ANAPC1: variants seen among roughly 807,000 people sequenced by gnomAD.
ANAPC1 encodes the protein anaphase promoting complex subunit 1.
ANAPC1 carries 36 observed loss-of-function variants against 208.0 expected under a neutral mutation model. That is an observed-to-expected ratio of 0.17 (90% CI 0.13 to 0.23). The LOEUF (loss-of-function observed/expected upper bound fraction) is 0.23, where lower values mean the gene tolerates loss of function less well. ANAPC1 is among the 10% of genes least tolerant of loss of function. The probability of loss-of-function intolerance (pLI) is 1.00; values close to 1 mark genes in which losing one functional copy is unlikely to be tolerated. For missense variants in ANAPC1, 942 were observed against 2,011.6 expected, an observed-to-expected ratio of 0.47 and a Z score of 10.17; for synonymous variants, 378 against 695.2, an observed-to-expected ratio of 0.54 and a Z score of 7.18.
chr2:111,838,948 A>G (rs1680619150), intron 17 of ANAPC1, among the ~76,000 whole-genome samples: 1 of 152,248 alleles, frequency 6.6e-6, no homozygotes, highest in Non-Finnish European at 1.5e-5. Context: ...TAACAATTCT[A>G]TGGCAGAGAC....
intron 26 of ANAPC1, chr2:111,819,228 ACT>A (rs1175468661): frequency 2.0e-6 from 2 of 983,858 alleles, no homozygotes; most frequent in African/African-American, 3.5e-5. Flanking sequence ...AACCCAGCCG[ACT>A]CTCTCTAGGC....
rs368791814 is a variant in ANAPC1 at position 111,864,884 on chromosome 2, A to G, written c.753T>C (p.Thr251=). 18 of 1,611,790 alleles carry G rather than the reference A, an allele frequency of 1.1e-5. No homozygotes were observed. The highest frequency in any genetic ancestry group is 1.1e-4 in the East Asian group (5 of 44,870). ...CATAAGTCATTACAATAGAGGGGTCAGTATTGAGGAAAACAATTTTCATTG... is the reference window on the plus strand; with the variant it reads ...CATAAGTCATTACAATAGAGGGGTCGGTATTGAGGAAAACAATTTTCATTG... ...DHAMKIVFLN[T]DPSIVMTYDA... is the part of the protein sequence containing the mutation. The change falls in exon 8 of 48, where the codon ACT becomes ACC. Residue 251 remains threonine (T), a synonymous_variant. Coordinates refer to ENST00000341068, the MANE Select transcript of ANAPC1 (RefSeq NM_022662.4).
chr2:111,831,303 T>G lies in ANAPC1; in HGVS notation c.2608A>C (p.Ser870Arg). The G allele has an allele frequency of 1.2e-6, 2 of 1,611,134 alleles. No individual in the cohort carries two copies. The highest frequency in any genetic ancestry group is 1.7e-6 in the Non-Finnish European group (2 of 1,179,572). The change falls in exon 21 of 48, where the codon AGC becomes CGC. Residue 870 changes from serine to arginine, a missense_variant. By Grantham distance (110) the Ser-to-Arg change is moderately radical. Transcript: ENST00000341068. ...ATACATACCAAGACTACAAGTCTGC[T>G]TCTTTCACAGATTCCAGGGAGGTAA... is the stretch of plus-strand genomic sequence containing the variant. ...YPYLPGICER[S>R]RLVVLSIALY...
chr2:111,824,660 G>T (rs1423173956), intron 24 of ANAPC1, among the ~76,000 whole-genome samples: 1 of 152,126 alleles, frequency 6.6e-6, no homozygotes. Flanking sequence ...ATGATTTCAG[G>T]TGTGTATGTA....
At chr2:111,797,608 T>C (rs1330255710) in intron 34 of ANAPC1, among the ~76,000 whole-genome samples, 1 of 152,024 alleles carries the variant, frequency 6.6e-6, no homozygotes, top group Non-Finnish European at 1.5e-5. Flanking sequence ...AATAGATGAA[T>C]AAATTCCTAT....
chr2:111,879,161 A>G (rs1366285272), intron 2 of ANAPC1, among the ~76,000 whole-genome samples, 190 bp from the exon 3 acceptor site: 3 of 152,226 alleles, frequency 2.0e-5, no homozygotes, highest in Non-Finnish European at 2.9e-5. Context: ...AATTTACTCA[A>G]TAATTCTCTA....
At chr2:111,787,529 C>A (rs1368321057) in intron 39 of ANAPC1, among the ~76,000 whole-genome samples, 1 of 152,144 alleles carries the variant, frequency 6.6e-6, no homozygotes, top group Non-Finnish European at 1.5e-5. Context: ...TGACCTGTCT[C>A]TGGGGAGACA....
intron 19 of ANAPC1, among the ~76,000 whole-genome samples, chr2:111,833,627 G>T (rs1293304917): frequency 7.3e-6 from 1 of 136,194 alleles, no homozygotes; most frequent in Non-Finnish European, 1.5e-5. Flanking sequence ...AGAAAATGGG[G>T]CAATACCAGC....
chr2:111,824,058 T>G (rs1379447647), intron 24 of ANAPC1, among the ~76,000 whole-genome samples: 3 of 151,032 alleles, frequency 2.0e-5, no homozygotes, highest in Non-Finnish European at 4.4e-5. Context: ...CATAATACTA[T>G]GCATTATTTA....
chr2:111,852,965 G>A (rs553487469), intron 13 of ANAPC1, among the ~76,000 whole-genome samples: 6 of 151,360 alleles, frequency 4.0e-5, no homozygotes, highest in South Asian at 2.1e-4. Flanking sequence ...TCCAGCCTGA[G>A]TAACAGAGAG....
intron 7 of ANAPC1, 128 bp from the exon 8 acceptor site, chr2:111,865,079 C>G: frequency 2.8e-6 from 2 of 719,142 alleles, no homozygotes; most frequent in Non-Finnish European, 4.3e-6. Flanking sequence ...AAATTTATTA[C>G]TATCTTAAAT....
rs201476913 is a variant in ANAPC1 at position 111,831,320 on chromosome 2, G to C, written c.2591C>G (p.Pro864Arg). Reference protein sequence around the residue: ...GEGMPPYPYLPGICERSRLVV... With the variant: ...GEGMPPYPYLRGICERSRLVV... ...AAGTCTGCTTCTTTCACAGATTCCA[G>C]GGAGGTAAGGATAAGGTGGCATTCC... Residue 864 changes from proline (P) to arginine (R), a missense_variant, in exon 21 of 48, where the codon CCT becomes CGT. Coordinates refer to ENST00000341068, the MANE Select transcript of ANAPC1 (RefSeq NM_022662.4). 12 of 1,611,712 alleles carry C rather than the reference G, an allele frequency of 7.4e-6. No individual in the cohort carries two copies. Among genetic ancestry groups the C allele is most frequent in the Non-Finnish European group, 1.0e-5 (12 of 1,179,794 alleles).
At chr2:111,812,846 A>G (rs1292151619) in intron 28 of ANAPC1, among the ~76,000 whole-genome samples, 1 of 91,588 alleles carries the variant, frequency 1.1e-5, no homozygotes, top group African/African-American at 4.5e-5. Flanking sequence ...ATACAGGCAT[A>G]TAAACCTCTC....
chr2:111,879,296 G>A (rs1421776345), intron 2 of ANAPC1, among the ~76,000 whole-genome samples: 1 of 152,210 alleles, frequency 6.6e-6, no homozygotes, highest in East Asian at 1.9e-4. Context: ...GACATATTAA[G>A]TATATGAGGT....
intron 16 of ANAPC1, among the ~76,000 whole-genome samples, chr2:111,844,306 C>G (rs1164953395): frequency 6.6e-6 from 1 of 151,904 alleles, no homozygotes; most frequent in Non-Finnish European, 1.5e-5. Flanking sequence ...TGGTGACTCA[C>G]GCCTGTAATC....
intron 19 of ANAPC1, among the ~76,000 whole-genome samples, chr2:111,834,151 G>C (rs1010343128): frequency 6.6e-6 from 1 of 152,106 alleles, no homozygotes; most frequent in Non-Finnish European, 1.5e-5. Flanking sequence ...TCAAACACTC[G>C]CATCCCAGGA....
At chr2:111,832,828 G>A (rs1346278807) in intron 20 of ANAPC1, among the ~76,000 whole-genome samples, 1 of 151,126 alleles carries the variant, frequency 6.6e-6, no homozygotes, top group Non-Finnish European at 1.5e-5. Context: ...TATTCAGGAG[G>A]CCAGGAGGCT....
At position 111,843,552 on chromosome 2, in the gene ANAPC1, C is replaced by T; in HGVS notation, c.1900G>A (p.Ala634Thr). 2 of 1,611,888 alleles carry T rather than the reference C, an allele frequency of 1.2e-6. No individual in the cohort carries two copies. Among genetic ancestry groups the T allele is most frequent in the Non-Finnish European group, 1.7e-6 (2 of 1,179,782 alleles). ...TACCACTTGACAAGCATCTGAACTG[C>T]TATTTCTTTTGGCAGGATAAACTTA... ...AIKFILPKEI[A>T]VQMLVKWYNV... Residue 634 changes from alanine (A) to threonine (T), a missense_variant, in exon 17 of 48, where the codon GCA (alanine) becomes ACA (threonine). Ala to Thr is a moderately conservative substitution (Grantham distance 58). Coordinates refer to ENST00000341068, the MANE Select transcript of ANAPC1 (RefSeq NM_022662.4).
chr2:111,835,011 CA>C (rs1282515229), intron 18 of ANAPC1, 139 bp from the exon 19 acceptor site: 2 of 1,034,832 alleles, frequency 1.9e-6, no homozygotes, highest in African/African-American at 3.5e-5. Flanking sequence ...AAAAAAAAGA[CA>C]ATGCTAAGAA....
Sources: gnomAD v4.1 joint callset for allele counts (sites outside exome capture counted in the v4.1 genomes callset) on GRCh38, gnomAD v4.1.1 for gene constraint, MANE v1.5 for transcripts, NCBI Gene and HGNC (gene_info 2026-07-23, HGNC 2026-07-21) for gene names.